The following DNAJC8 variants were observed in gnomAD, a reference collection of about 807,000 sequenced individuals.
DNAJC8 encodes the protein dnaJ homolog subfamily C member 8.
In DNAJC8, 24 loss-of-function variants were observed where a neutral mutation model predicts 43.2. The ratio of observed to expected loss-of-function variants is 0.56; its 90% confidence interval spans 0.40 to 0.78. DNAJC8 has a LOEUF of 0.78. DNAJC8 is among the 30% of genes least tolerant of loss of function. The pLI is 0.00. For synonymous variants in DNAJC8, 83 were observed against 98.0 expected (o/e 0.85, Z 0.90); for missense variants, 207 against 299.4 (o/e 0.69, Z 2.28).
At chr1:28,201,799 A>G (rs1646735488) in intron 8 of DNAJC8, among the ~76,000 whole-genome samples, 1 of 149,892 alleles carries the variant, frequency 6.7e-6, no homozygotes, top group South Asian at 2.1e-4. Context: ...CAAAAAAAAA[A>G]AAAAGAAAAG....
intron 2 of DNAJC8, among the ~76,000 whole-genome samples, chr1:28,226,854 T>C (rs1208812907): frequency 6.6e-6 from 1 of 151,216 alleles, no homozygotes. Context: ...GATATCAATA[T>C]TTGTAAGCAC....
At chr1:28,203,885 G>A in intron 7 of DNAJC8, 63 bp from the exon 8 acceptor site, 1 of 1,519,592 alleles carries the variant, frequency 6.6e-7, no homozygotes, top group Non-Finnish European at 9.1e-7. Context: ...ACCATACAAG[G>A]TGGCATCTCC....
chr1:28,210,724 T>A, intron 3 of DNAJC8, 87 bp from the exon 4 acceptor site: 1 of 1,020,736 alleles, frequency 9.8e-7, no homozygotes, highest in Non-Finnish European at 1.5e-6. Context: ...CCAAAAGCTC[T>A]AAGGTCCTAC....
intron 1 of DNAJC8, among the ~76,000 whole-genome samples, chr1:28,232,666 G>T (rs987911698): frequency 5.9e-5 from 9 of 152,138 alleles, no homozygotes; most frequent in African/African-American, 2.2e-4. Context: ...CTCTGCCCGC[G>T]CGCCCGCACT....
Position 28,208,371 on chromosome 1 carries a change from T to C in DNAJC8, c.442A>G (p.Thr148Ala). 1.9e-6 allele frequency: 3 copies of C among 1,613,638 alleles called. No homozygotes were observed. The highest frequency in any genetic ancestry group is 2.2e-5 in the East Asian group (1 of 44,852). ...KKQLKKEGKPTIVEEDDPELF... is the reference protein window; with the variant it reads ...KKQLKKEGKPAIVEEDDPELF... Reference sequence around the variant, plus strand: ...TCAGGATCATCCTCCTCTACAATTGTAGGTTTTCCTTCCTTCTTTAATTGT... The same window carrying C: ...TCAGGATCATCCTCCTCTACAATTGCAGGTTTTCCTTCCTTCTTTAATTGT... Residue 148 changes from threonine to alanine, a missense_variant, in exon 6 of 9, where the codon ACA (threonine) becomes GCA (alanine). Physicochemically the swap from Thr to Ala is moderately conservative, Grantham distance 58 (BLOSUM62 0). Coordinates refer to ENST00000263697, the MANE Select transcript of DNAJC8 (RefSeq NM_014280.3).
In DNAJC8 at chr1:28,201,145, A is replaced by C; in HGVS notation, c.*103T>G. The C allele has an allele frequency of 1.3e-6, 2 of 1,523,706 alleles. No individual in the cohort carries two copies. 94.4% of individuals were successfully genotyped at this position (1,523,706 alleles called of 1,614,324 possible). On this transcript the variant is annotated 3_prime_UTR_variant, in exon 9 of 9. Transcript: ENST00000263697. ...TGAAAACAAAATGGACTAAAAAGCA[A>C]ATACTACTCTATGTTGGGGTGGAAG...
At chr1:28,217,489 G>A (rs549114504) in intron 2 of DNAJC8, among the ~76,000 whole-genome samples, 15 of 152,110 alleles carry the variant, frequency 9.9e-5, no homozygotes, top group Non-Finnish European at 1.9e-4. Flanking sequence ...GCATGGTGGC[G>A]CATGAAAATG....
rs1468604490 is a variant in DNAJC8, at chr1:28,212,164, AATAAATATATATATATATAT to A, written c.238-1547_238-1528del. ...GAGCCGGACTCCGTCTCAATAAATA[AATAAATATATATATATATAT>A]ATATATATATATATATATATATATA... On this transcript the variant is annotated intron_variant, in intron 3 of 8. Coordinates refer to ENST00000263697, the MANE Select transcript of DNAJC8 (RefSeq NM_014280.3). Among the ~76,000 whole-genome samples, 136 of 30,570 alleles carry A rather than the reference AATAAATATATATATATATAT, an allele frequency of 4.4e-3. 2 individuals are homozygous for A. Among genetic ancestry groups the A allele is most frequent in the African/African-American group, 0.011 (127 of 11,318 alleles). 20.1% of individuals were successfully genotyped at this position (30,570 alleles called of 152,430 possible).
intron 6 of DNAJC8, among the ~76,000 whole-genome samples, chr1:28,207,600 C>T (rs1398813382): frequency 7.3e-5 from 11 of 150,858 alleles, no homozygotes; most frequent in South Asian, 6.3e-4. Flanking sequence ...CGTGCCACCA[C>T]GCCCAGATAA....
intron 3 of DNAJC8, among the ~76,000 whole-genome samples, chr1:28,212,261 G>C (rs193011595): frequency 9.8e-6 from 1 of 102,350 alleles, no homozygotes; most frequent in Non-Finnish European, 1.9e-5. Flanking sequence ...ATGAATATTC[G>C]TTGTTCTATT....
chr1:28,212,001 C>A (rs1646813654), intron 3 of DNAJC8, among the ~76,000 whole-genome samples: 1 of 150,572 alleles, frequency 6.6e-6, no homozygotes, highest in Admixed American at 6.6e-5. Flanking sequence ...ACTAAAAATA[C>A]AAAAATTTGG....
chr1:28,232,160 G>C (rs1646980775), intron 1 of DNAJC8, among the ~76,000 whole-genome samples: 1 of 151,526 alleles, frequency 6.6e-6, no homozygotes, highest in Non-Finnish European at 1.5e-5. Context: ...CTGCAGCCTC[G>C]AGCTTTTGGG....
At chr1:28,218,871 A>G (rs1057208348) in intron 2 of DNAJC8, among the ~76,000 whole-genome samples, 2 of 152,212 alleles carry the variant, frequency 1.3e-5, no homozygotes, top group African/African-American at 4.8e-5. Context: ...GAGCAAAGTC[A>G]CATAAGATTT....
chr1:28,214,643 G>C (rs1646838652), intron 3 of DNAJC8, among the ~76,000 whole-genome samples: 1 of 152,152 alleles, frequency 6.6e-6, no homozygotes, highest in Admixed American at 6.6e-5. Flanking sequence ...CAGGGGGTTT[G>C]GTAGTTACAA....
intron 3 of DNAJC8, among the ~76,000 whole-genome samples, chr1:28,212,110 C>G (rs1240607896): frequency 7.1e-6 from 1 of 141,804 alleles, no homozygotes; most frequent in East Asian, 2.1e-4. Context: ...GAGCCAAGAT[C>G]GCAACACTGT....
At chr1:28,215,709 G>C (rs1440206011) in intron 2 of DNAJC8, among the ~76,000 whole-genome samples, 1 of 151,796 alleles carries the variant, frequency 6.6e-6, no homozygotes, top group East Asian at 1.9e-4. Context: ...GGCTAATTTT[G>C]TAATTTTAGT....
intron 7 of DNAJC8, among the ~76,000 whole-genome samples, 200 bp from the exon 8 acceptor site, chr1:28,204,022 C>T (rs537095288): frequency 2.0e-4 from 31 of 152,310 alleles, no homozygotes; most frequent in African/African-American, 6.7e-4. Context: ...TTGGGCATGG[C>T]TGTGGGGAAA....
intron 6 of DNAJC8, among the ~76,000 whole-genome samples, chr1:28,207,431 TTTG>T (rs143873627): frequency 0.21 from 32,073 of 150,416 alleles, 3,566 homozygotes; most frequent in Non-Finnish European, 0.25. Flanking sequence ...AAATAAAATG[TTTG>T]TTGTTGTTGT....
intron 2 of DNAJC8, among the ~76,000 whole-genome samples, chr1:28,228,439 T>G (rs1553168860): frequency 6.6e-6 from 1 of 151,868 alleles, no homozygotes; most frequent in Non-Finnish European, 1.5e-5. Context: ...TTTGGGTTGC[T>G]AAAAGATGAT....
Sources: allele counts gnomAD v4.1 joint callset (sites outside exome capture counted in the v4.1 genomes callset), GRCh38; gene constraint gnomAD v4.1.1; transcripts MANE v1.5; gene names NCBI Gene and HGNC (gene_info 2026-07-23, HGNC 2026-07-21).